Variants in SLC9A9 observed in about 807,000 individuals in gnomAD.
SLC9A9 encodes solute carrier family 9 member A9, also known as sodium/hydrogen exchanger 9.
SLC9A9 carries 62 observed loss-of-function variants against 77.8 expected under a neutral mutation model. The observed-to-expected ratio is 0.80, with a 90% CI of 0.65 to 0.98. The LOEUF is 0.98. SLC9A9 is among the 50% of genes least tolerant of loss of function. SLC9A9 has a pLI of 0.00. For synonymous variants in SLC9A9, 320 were observed against 283.5 expected, an observed-to-expected ratio of 1.13 and a Z score of -1.29; for missense variants, 775 against 774.9, an observed-to-expected ratio of 1.00 and a Z score of 0.00.
intron 9 of SLC9A9, among the ~76,000 whole-genome samples, chr3:143,497,171 A>G (rs2035850141): frequency 2.0e-5 from 3 of 152,344 alleles, no homozygotes; most frequent in African/African-American, 4.8e-5. Context: ...TTTAACATCA[A>G]TAAACAAATG....
intron 12 of SLC9A9, among the ~76,000 whole-genome samples, chr3:143,409,086 T>C (rs1177118600): frequency 1.3e-5 from 2 of 152,242 alleles, no homozygotes; most frequent in East Asian, 3.8e-4. Context: ...CTACTTTGGA[T>C]ATCTGCGCCT....
intron 14 of SLC9A9, among the ~76,000 whole-genome samples, chr3:143,310,358 T>G (rs896465687): frequency 6.6e-6 from 1 of 152,178 alleles, no homozygotes; most frequent in African/African-American, 2.4e-5. Context: ...GCACACTTTC[T>G]TCCTTCTCCA....
At chr3:143,636,844 T>C (rs2038531380) in intron 6 of SLC9A9, among the ~76,000 whole-genome samples, 1 of 152,072 alleles carries the variant, frequency 6.6e-6, no homozygotes, top group African/African-American at 2.4e-5. Context: ...CAAGCAGCAT[T>C]TGAGCAAGCC....
chr3:143,701,534 G>A (rs890884273), intron 4 of SLC9A9, among the ~76,000 whole-genome samples: 3 of 152,120 alleles, frequency 2.0e-5, no homozygotes, highest in African/African-American at 7.2e-5. Flanking sequence ...ATGCATCGGA[G>A]TCTTTCAACA....
chr3:143,641,139 A>T (rs888210356), intron 6 of SLC9A9, among the ~76,000 whole-genome samples: 3 of 152,172 alleles, frequency 2.0e-5, no homozygotes, highest in African/African-American at 7.2e-5. Context: ...TGAAAGATGA[A>T]GGAGAGCTTC....
intron 14 of SLC9A9, among the ~76,000 whole-genome samples, chr3:143,299,633 T>G (rs929214025): frequency 6.6e-6 from 1 of 152,136 alleles, no homozygotes; most frequent in South Asian, 2.1e-4. Context: ...TTAGTAGAGA[T>G]GGGGTTTCAC....
At chr3:143,281,626 C>T (rs1938223745) in intron 14 of SLC9A9, among the ~76,000 whole-genome samples, 1 of 152,178 alleles carries the variant, frequency 6.6e-6, no homozygotes, top group South Asian at 2.1e-4. Flanking sequence ...AATGCTTTGG[C>T]AGGGGAGGCA....
chr3:143,604,004 G>A (rs1433294894), intron 6 of SLC9A9, among the ~76,000 whole-genome samples: 1 of 152,062 alleles, frequency 6.6e-6, no homozygotes, highest in Non-Finnish European at 1.5e-5. Flanking sequence ...CACAGAATTC[G>A]ATAACAGAAA....
chr3:143,673,183 G>A (rs2039186373), intron 5 of SLC9A9, among the ~76,000 whole-genome samples: 1 of 152,174 alleles, frequency 6.6e-6, no homozygotes, highest in Non-Finnish European at 1.5e-5. Flanking sequence ...TAGAAAAGAT[G>A]AAAACTCAAT....
intron 2 of SLC9A9, among the ~76,000 whole-genome samples, chr3:143,817,066 G>A (rs2009035323): frequency 6.6e-6 from 1 of 151,406 alleles, no homozygotes; most frequent in Non-Finnish European, 1.5e-5. Flanking sequence ...CTATTCTCAT[G>A]ATCTCCTTAA....
intron 6 of SLC9A9, among the ~76,000 whole-genome samples, chr3:143,630,280 C>G (rs2038399860): frequency 1.3e-5 from 2 of 152,122 alleles, no homozygotes; most frequent in Admixed American, 1.3e-4. Context: ...GGAAAAGAGG[C>G]AAAACCCAGA....
chr3:143,747,224 T>C (rs1460731198), intron 4 of SLC9A9, among the ~76,000 whole-genome samples: 1 of 151,938 alleles, frequency 6.6e-6, no homozygotes, highest in Non-Finnish European at 1.5e-5. Flanking sequence ...GCCAACATGG[T>C]GAAACCCCGT....
chr3:143,270,634 G>A (rs970772963), intron 14 of SLC9A9, among the ~76,000 whole-genome samples: 1 of 151,998 alleles, frequency 6.6e-6, no homozygotes, highest in Non-Finnish European at 1.5e-5. Context: ...TGGAAGGATG[G>A]AAAAGTGACA....
chr3:143,537,548 C>T (rs1471087421), intron 9 of SLC9A9, among the ~76,000 whole-genome samples: 1 of 152,232 alleles, frequency 6.6e-6, no homozygotes, highest in Non-Finnish European at 1.5e-5. Flanking sequence ...GCTTAAGCTC[C>T]ATCTTTGACT....
At chr3:143,700,713 C>G (rs576050454) in intron 4 of SLC9A9, among the ~76,000 whole-genome samples, 1 of 152,352 alleles carries the variant, frequency 6.6e-6, no homozygotes, top group East Asian at 1.9e-4. Context: ...CACAGCACCT[C>G]TGGACACATC....
intron 4 of SLC9A9, among the ~76,000 whole-genome samples, chr3:143,734,883 G>T (rs1934900563): frequency 6.6e-6 from 1 of 152,088 alleles, no homozygotes; most frequent in Non-Finnish European, 1.5e-5. Flanking sequence ...CTCTCTAGAT[G>T]GCTAAAGAAA....
intron 4 of SLC9A9, among the ~76,000 whole-genome samples, chr3:143,704,056 A>T (rs1193530466): frequency 6.6e-6 from 1 of 152,208 alleles, no homozygotes; most frequent in Non-Finnish European, 1.5e-5. Flanking sequence ...CAGACCAGTA[A>T]CAAGTAACAA....
chr3:143,518,780 A>C (rs939438347), intron 9 of SLC9A9, among the ~76,000 whole-genome samples: 9 of 152,186 alleles, frequency 5.9e-5, no homozygotes, highest in African/African-American at 2.2e-4. Context: ...TATCTATTCT[A>C]TTGTTGATGG....
chr3:143,786,896 A>G (rs2008072801), intron 4 of SLC9A9, among the ~76,000 whole-genome samples: 1 of 152,170 alleles, frequency 6.6e-6, no homozygotes, highest in Non-Finnish European at 1.5e-5. Context: ...AGAGAGCAGC[A>G]GCCCAGACGT....
Sources: gnomAD v4.1 joint callset for allele counts (sites outside exome capture counted in the v4.1 genomes callset) on GRCh38, gnomAD v4.1.1 for gene constraint, MANE v1.5 for transcripts, NCBI Gene and HGNC (gene_info 2026-07-23, HGNC 2026-07-21) for gene names.